SYNE1: variants seen among roughly 807,000 people sequenced by gnomAD.
The protein encoded by SYNE1 is nesprin-1.
Under a neutral mutation model 1,111.0 loss-of-function variants are expected in SYNE1, and 616 were observed. That is an observed-to-expected ratio of 0.55 (90% CI 0.52 to 0.59). The LOEUF is 0.59. Among genes scored for constraint, SYNE1 ranks in the 20% least tolerant of loss-of-function variants. SYNE1 has a pLI of 0.00. For synonymous variants in SYNE1, 3,855 were observed against 3,825.8 expected, an observed-to-expected ratio of 1.01 and a Z score of -0.28; for missense variants, 10,006 against 10,417.0, an observed-to-expected ratio of 0.96 and a Z score of 1.72.
intron 97 of SYNE1, among the ~76,000 whole-genome samples, chr6:152,279,400 C>T (rs112364850): frequency 1.9e-4 from 29 of 151,398 alleles, no homozygotes; most frequent in African/African-American, 6.5e-4. Context: ...ACTTCATTTC[C>T]CTATACAAAA....
At chr6:152,449,682 A>AC (rs1396797119) in intron 27 of SYNE1, 41 bp from the exon 28 acceptor site, 1 of 1,404,918 alleles carries the variant, frequency 7.1e-7, no homozygotes, top group Admixed American at 1.7e-5. Flanking sequence ...GGGAGAACAT[A>AC]CCAGAATGAT....
chr6:152,309,660 C>T (rs1291253125), intron 90 of SYNE1, among the ~76,000 whole-genome samples, 175 bp downstream of exon 90: 1 of 152,178 alleles, frequency 6.6e-6, no homozygotes, highest in East Asian at 1.9e-4. Flanking sequence ...ATTCCCCAGG[C>T]TTTTGTGGGT....
chr6:152,300,713 G>T lies in SYNE1; in HGVS notation c.17610C>A (p.Asn5870Lys). The change falls in exon 93 of 146, where the codon AAC becomes AAA. Residue 5870 changes from asparagine (N) to lysine (K), a missense_variant. Transcript: ENST00000367255. ...AGGCAGGTGGAGAGGAAATCTCACT[G>T]TTGGTTCCCTCCTCCCCAGACTCCT... The part of the protein sequence containing the change: ...VTEESGEEGT[N>K]SEISSPPACR... 6.2e-7 allele frequency: 1 copy of T among 1,614,216 alleles called. No homozygotes were observed. Among genetic ancestry groups the T allele is most frequent in the South Asian group, 1.1e-5 (1 of 91,084 alleles).
intron 40 of SYNE1, among the ~76,000 whole-genome samples, chr6:152,417,225 G>A (rs548918585): frequency 2.6e-5 from 4 of 152,146 alleles, no homozygotes; most frequent in African/African-American, 7.2e-5. Context: ...TGGGCCAGGC[G>A]CGGTGGCTCA....
chr6:152,240,013 G>A (rs780888588), intron 107 of SYNE1, among the ~76,000 whole-genome samples: 2 of 152,270 alleles, frequency 1.3e-5, no homozygotes, highest in South Asian at 2.1e-4. Context: ...AGCCAAGATC[G>A]TGCCACTGCA....
At chr6:152,269,760 ATCT>A (rs2093046280) in intron 98 of SYNE1, among the ~76,000 whole-genome samples, 1 of 152,182 alleles carries the variant, frequency 6.6e-6, no homozygotes, top group Non-Finnish European at 1.5e-5. Context: ...TTTTAGAATA[ATCT>A]TCCTAAAAAT....
At chr6:152,516,129 A>G (rs755396313) in intron 6 of SYNE1, among the ~76,000 whole-genome samples, 67 of 152,206 alleles carry the variant, frequency 4.4e-4, no homozygotes, top group Non-Finnish European at 8.5e-4. Flanking sequence ...GGCACTAAAG[A>G]ACCCTCCAAA....
At chr6:152,352,543 C>T (rs1275603482) in intron 69 of SYNE1, among the ~76,000 whole-genome samples, 190 bp from the exon 70 acceptor site, 7 of 152,048 alleles carry the variant, frequency 4.6e-5, no homozygotes, top group Non-Finnish European at 2.9e-5. Context: ...GCTGGGACTA[C>T]AGGTGCGTGC....
chr6:152,282,894 G>A (rs1337313088), intron 96 of SYNE1, among the ~76,000 whole-genome samples: 2 of 151,998 alleles, frequency 1.3e-5, no homozygotes, highest in African/African-American at 4.8e-5. Flanking sequence ...ACTAGAGAGA[G>A]ACTACACACC....
At chr6:152,299,593 A>C (rs1403514822) in intron 93 of SYNE1, among the ~76,000 whole-genome samples, 2 of 152,164 alleles carry the variant, frequency 1.3e-5, no homozygotes, top group Non-Finnish European at 2.9e-5. Context: ...TACTTGACAA[A>C]TGGATGAGTT....
In SYNE1 at chr6:152,359,342, T is replaced by G; in HGVS notation, c.10416A>C (p.Arg3472=). Residue 3472 remains arginine, a synonymous_variant, in exon 65 of 146, where the codon CGA becomes CGC. Coordinates refer to ENST00000367255, the MANE Select transcript of SYNE1 (RefSeq NM_182961.4). ...TQLELQDLQE[R]YRAIQERAKE... Reference sequence around the variant, plus strand: ...TGGCCCTCTCTTGGATGGCTCTGTATCGTTCCTGTAGATCCTGGAGTTCTA... The same window carrying G: ...TGGCCCTCTCTTGGATGGCTCTGTAGCGTTCCTGTAGATCCTGGAGTTCTA... 1 of 1,614,166 alleles carries G rather than the reference T, an allele frequency of 6.2e-7. No individual in the cohort carries two copies. The highest frequency in any genetic ancestry group is 1.3e-5 in the African/African-American group (1 of 75,054).
At chr6:152,399,918 C>T in intron 47 of SYNE1, 95 bp from the exon 48 acceptor site, 1 of 1,359,682 alleles carries the variant, frequency 7.4e-7, no homozygotes. Context: ...CTGAAATTGA[C>T]ATTGTTGAAT....
intron 131 of SYNE1, among the ~76,000 whole-genome samples, chr6:152,160,519 A>G (rs1406670422): frequency 6.6e-6 from 1 of 152,146 alleles, no homozygotes; most frequent in Non-Finnish European, 1.5e-5. Context: ...TGAGTTGAAT[A>G]GCATTTCCCC....
chr6:152,404,114 TATAC>T (rs758386282), intron 46 of SYNE1, 95 bp downstream of exon 46: 3 of 716,920 alleles, frequency 4.2e-6, no homozygotes, highest in African/African-American at 1.8e-5. Context: ...GATATATATA[TATAC>T]ACACACACAC....
intron 100 of SYNE1, among the ~76,000 whole-genome samples, chr6:152,266,011 T>A (rs2092667430): frequency 6.6e-6 from 1 of 152,092 alleles, no homozygotes; most frequent in Admixed American, 6.6e-5. Flanking sequence ...TAATTCATGG[T>A]TAATTGTTTG....
In SYNE1 at chr6:152,201,891, T is replaced by A; in HGVS notation, c.23078A>T (p.Lys7693Ile). 1 of 1,613,990 alleles carries A rather than the reference T, an allele frequency of 6.2e-7. No homozygotes were observed. The highest frequency in any genetic ancestry group is 8.5e-7 in the Non-Finnish European group (1 of 1,179,856). ...CGGGAGAGACTGCGAAAGCTTCTTTTTGAAAGTTCGTAGTTTCTCCAGGGA... is the reference window on the plus strand; with the variant it reads ...CGGGAGAGACTGCGAAAGCTTCTTTATGAAAGTTCGTAGTTTCTCCAGGGA... Reference protein sequence around the residue: ...ADSLEKLRTFKKKLSQSLPDH... With the variant: ...ADSLEKLRTFIKKLSQSLPDH... The change falls in exon 127 of 146, where the codon AAA (lysine) becomes ATA (isoleucine). Residue 7693 changes from lysine to isoleucine, a missense_variant. Lys to Ile is a moderately radical substitution (Grantham distance 102). Transcript: ENST00000367255.
At chr6:152,279,147 C>CTTTTTTTTTTT (rs59520598) in intron 97 of SYNE1, among the ~76,000 whole-genome samples, 94 of 112,648 alleles carry the variant, frequency 8.3e-4, no homozygotes, top group Non-Finnish European at 1.2e-3. Flanking sequence ...CTTTTCTTTT[C>CTTTTTTTTTTT]TTTTTTTTTT....
chr6:152,378,953 C>T (rs912067097), intron 56 of SYNE1, among the ~76,000 whole-genome samples: 11 of 152,122 alleles, frequency 7.2e-5, no homozygotes, highest in African/African-American at 2.2e-4. Flanking sequence ...TTTTTATTTA[C>T]AAAAATTCAT....
intron 4 of SYNE1, among the ~76,000 whole-genome samples, chr6:152,536,789 C>T (rs1188712833): frequency 6.6e-6 from 1 of 152,058 alleles, no homozygotes; most frequent in Non-Finnish European, 1.5e-5. Flanking sequence ...ATCAAGTCCA[C>T]TCCTAAACAT....
Sources: allele counts gnomAD v4.1 joint callset (sites outside exome capture counted in the v4.1 genomes callset), GRCh38; gene constraint gnomAD v4.1.1; transcripts MANE v1.5; gene names NCBI Gene and HGNC (gene_info 2026-07-23, HGNC 2026-07-21).